Variants in CELSR2 observed in about 807,000 individuals in gnomAD.
CELSR2 encodes cadherin EGF LAG seven-pass G-type receptor 2, also known as EGF-like protein 2.
Under a neutral mutation model 251.6 loss-of-function variants are expected in CELSR2, and 81 were observed. The observed-to-expected ratio is 0.32, with a 90% CI of 0.27 to 0.39. The LOEUF is 0.39. Among genes scored for constraint, CELSR2 ranks in the 10% least tolerant of loss-of-function variants. The pLI, the probability that CELSR2 is intolerant of heterozygous loss-of-function variation, is 1.00. For missense variants in CELSR2, 3,365 were observed against 3,947.7 expected (o/e 0.85, Z 3.96); for synonymous variants, 1,721 against 1,670.5 (o/e 1.03, Z -0.74).
In CELSR2 at chr1:109,258,633, G is replaced by A. The variant is rs753762805; in HGVS notation, c.3512G>A (p.Arg1171Gln). Residue 1171 changes from arginine (R) to glutamine (Q), a missense_variant, in exon 2 of 34, where the codon CGG becomes CAG. This residue lies in a region of CELSR2 where 2,093 missense variants were observed against 2,382.8 expected (regional missense o/e 0.88). Transcript: ENST00000271332. ...CACGTGGTGGTCTTCAACGTACAGCGGGACACCGACGCCCCCGGGGGCCAC... is the reference window on the plus strand; with the variant it reads ...CACGTGGTGGTCTTCAACGTACAGCAGGACACCGACGCCCCCGGGGGCCAC... The part of the protein sequence containing the change: ...PDHVVVFNVQ[R>Q]DTDAPGGHIL... 26 of 1,561,432 alleles carry A rather than the reference G, an allele frequency of 1.7e-5. No individual in the cohort carries two copies. The East Asian group carries it at 3.8e-4, about 23-fold the overall frequency.
chr1:109,264,449 C>T lies in CELSR2; in HGVS notation c.5290-5C>T, dbSNP rs369439624. 154 of 1,611,096 alleles carry T rather than the reference C, an allele frequency of 9.6e-5. No homozygotes were observed. The African/African-American group carries it at 1.9e-3, about 19-fold the overall frequency. On this transcript the variant is annotated splice_polypyrimidine_tract_variant and splice_region_variant and intron_variant, in intron 10 of 33. Transcript: ENST00000271332. Reference sequence around the variant, plus strand: ...TGAGGGCAACACTGCTCCTGTCCCTCCCAGGGTGTGCGGGTGAGCGATACG... The same window carrying T: ...TGAGGGCAACACTGCTCCTGTCCCTTCCAGGGTGTGCGGGTGAGCGATACG...
Position 109,271,033 on chromosome 1 carries a change from C to T in CELSR2, c.7590C>T (p.Ala2530=), listed in dbSNP as rs747791584. ...IWSFAGPVAF[A]VSMSVFLYIL... is the part of the protein sequence containing the mutation. ...GTTTTGCTGGCCCGGTGGCCTTTGC[C>T]GTCTCGGTGAGTGCTAGCAGGTGGG... is the stretch of plus-strand genomic sequence containing the variant. The change falls in exon 25 of 34, where the codon GCC becomes GCT. Residue 2530 remains alanine (A), a synonymous_variant. Coordinates refer to ENST00000271332, the MANE Select transcript of CELSR2 (RefSeq NM_001408.3). The T allele has an allele frequency of 1.4e-5, 23 of 1,612,632 alleles. No individual in the cohort carries two copies. The African/African-American group carries it at 2.3e-4, about 16-fold the overall frequency.
chr1:109,262,981 C>G lies in CELSR2; in HGVS notation c.4708+12C>G. 6.2e-7 allele frequency: 1 copy of G among 1,608,544 alleles called. No individual in the cohort carries two copies. The highest frequency in any genetic ancestry group is 1.7e-4 in the Middle Eastern group (1 of 6,048). On this transcript the variant is annotated intron_variant, in intron 7 of 33. Transcript: ENST00000271332. Reference sequence around the variant, plus strand: ...TGGCACCGTGCCTGGTATGGGGGCCCGGGGTGGAGCCAGGCTGGGATCCCA... The same window carrying G: ...TGGCACCGTGCCTGGTATGGGGGCCGGGGGTGGAGCCAGGCTGGGATCCCA...
chr1:109,266,721 CTTT>C (rs36115271), intron 15 of CELSR2, among the ~76,000 whole-genome samples: 16 of 120,110 alleles, frequency 1.3e-4, no homozygotes, highest in Non-Finnish European at 1.6e-4. Context: ...ACATTTTGGA[CTTT>C]TTTTTTTTTT....
rs1169550961 is a variant in CELSR2, at chr1:109,258,628, A to T, written c.3507A>T (p.Val1169=). 1.5e-5 allele frequency: 24 copies of T among 1,563,398 alleles called. No homozygotes were observed. Among genetic ancestry groups the T allele is most frequent in the Non-Finnish European group, 1.8e-5 (21 of 1,153,926 alleles). The part of the protein sequence containing the change: ...TPPDHVVVFN[V]QRDTDAPGGH... ...CGGACCACGTGGTGGTCTTCAACGT[A>T]CAGCGGGACACCGACGCCCCCGGGG... The change falls in exon 2 of 34, where the codon GTA becomes GTT. Residue 1169 remains valine (V), a synonymous_variant. Coordinates refer to ENST00000271332, the MANE Select transcript of CELSR2 (RefSeq NM_001408.3).
rs1275314197 is a variant in CELSR2, at chr1:109,264,241, G to A, written c.5165G>A (p.Gly1722Glu). The change falls in exon 10 of 34, where the codon GGG becomes GAG. Residue 1722 changes from glycine to glutamate, a missense_variant. Around this residue, in one of 5 missense-constraint regions of CELSR2, gnomAD observed 2,093 missense variants for 2,382.8 expected, o/e 0.88. Coordinates refer to ENST00000271332, the MANE Select transcript of CELSR2 (RefSeq NM_001408.3). ...CATGCCATTCTGTCCTTCGATTATG[G>A]GCAGCAGAGAGCAGAGGGCAACCTG... Reference protein sequence around the residue: ...PGHAILSFDYGQQRAEGNLGP... With the variant: ...PGHAILSFDYEQQRAEGNLGP... 6.2e-7 allele frequency: 1 copy of A among 1,613,842 alleles called. No individual in the cohort carries two copies. The highest frequency in any genetic ancestry group is 1.3e-5 in the African/African-American group (1 of 74,938).
rs968361616 is a variant in CELSR2 at position 109,249,973 on chromosome 1, C to G, written c.-107C>G. On this transcript the variant is annotated 5_prime_UTR_variant, in exon 1 of 34. Transcript: ENST00000271332. ...CCCCGCGGGGCGCACGGGAGGCCCC[C>G]GGGGACTGGCGCCCTGGCCCGGGCA... 2 of 1,088,450 alleles carry G rather than the reference C, an allele frequency of 1.8e-6. No homozygotes were observed. Among genetic ancestry groups the G allele is most frequent in the Admixed American group, 4.6e-5 (1 of 21,608 alleles). 67.4% of individuals were successfully genotyped at this position (1,088,450 alleles called of 1,614,324 possible).
In CELSR2 at chr1:109,263,602, C is replaced by T. The variant is rs1189046464; in HGVS notation, c.4835-9C>T. On this transcript the variant is annotated splice_polypyrimidine_tract_variant and intron_variant, in intron 8 of 33. Transcript: ENST00000271332. ...ACCCGTCACAGTCTGCCTTTTCCTG[C>T]CTCCCCAGAAATGGCCAATCCACAG... 1 of 1,613,020 alleles carries T rather than the reference C, an allele frequency of 6.2e-7. No homozygotes were observed. The highest frequency in any genetic ancestry group is 1.7e-5 in the Admixed American group (1 of 59,934).
rs779411049 is a variant in CELSR2 at position 109,264,255 on chromosome 1, G to T, written c.5179G>T (p.Glu1727Ter). 1 of 1,614,014 alleles carries T rather than the reference G, an allele frequency of 6.2e-7. No individual in the cohort carries two copies. The change falls in exon 10 of 34, where the codon GAG becomes TAG. Residue 1727 changes from glutamate to a stop codon, truncating the protein, a stop_gained. Transcript: ENST00000271332. LOFTEE classifies it high-confidence loss of function. ...LSFDYGQQRA[E>*]GNLGPRLHGL... ...CTTCGATTATGGGCAGCAGAGAGCA[G>T]AGGGCAACCTGGGCCCCCGGCTGCA...
At chr1:109,256,905 G>A (rs946673050) in intron 1 of CELSR2, among the ~76,000 whole-genome samples, 4 of 152,052 alleles carry the variant, frequency 2.6e-5, no homozygotes, top group African/African-American at 4.8e-5. Context: ...TGATCCACCC[G>A]CCTCAGCCTC....
At position 109,264,414 on chromosome 1, in the gene CELSR2, CCCG is replaced by C. The variant is rs780963957; in HGVS notation, c.5290-38_5290-36del. 6 of 1,599,280 alleles carry C rather than the reference CCCG, an allele frequency of 3.8e-6. No homozygotes were observed. In the South Asian group the frequency reaches 5.5e-5, roughly 15 times the overall value. ...CATCCCCTCCCCCACCACCTGCAGC[CCCG>C]CTCCACTGAGGGCAACACTGCTCCT... is the stretch of plus-strand genomic sequence containing the variant. On this transcript the variant is annotated intron_variant, in intron 10 of 33. Coordinates refer to ENST00000271332, the MANE Select transcript of CELSR2 (RefSeq NM_001408.3).
rs1570786456 is a variant in CELSR2, at chr1:109,264,353, G to A, written c.5277G>A (p.Arg1759=). Residue 1759 remains arginine (R), a synonymous_variant, in exon 10 of 34, where the codon CGG becomes CGA. Coordinates refer to ENST00000271332, the MANE Select transcript of CELSR2 (RefSeq NM_001408.3). ...GPAGGVARGF[R]GCLQGVRVSD... ...CCGGCGGTGTGGCCCGTGGCTTTCGGGGCTGTTTGCAGGTGAGTGTCCTGC... is the reference window on the plus strand; with the variant it reads ...CCGGCGGTGTGGCCCGTGGCTTTCGAGGCTGTTTGCAGGTGAGTGTCCTGC... 6.2e-7 allele frequency: 1 copy of A among 1,607,940 alleles called. No individual in the cohort carries two copies.
chr1:109,251,272 A>G lies in CELSR2; in HGVS notation c.1193A>G (p.Gln398Arg), dbSNP rs200447397. Residue 398 changes from glutamine (Q) to arginine (R), a missense_variant, in exon 1 of 34, where the codon CAG (glutamine) becomes CGG (arginine). Physicochemically the swap from Gln to Arg is conservative, Grantham distance 43. Coordinates refer to ENST00000271332, the MANE Select transcript of CELSR2 (RefSeq NM_001408.3). This position sits in a 1 kb window ranked among gnomAD's most constrained non-coding sequence, Gnocchi z 4.9. The part of the protein sequence containing the change: ...SVEDDNDNAP[Q>R]FSEKRYVVQV... ...GAGGATGACAATGATAATGCCCCCC[A>G]GTTTAGTGAGAAGCGCTATGTGGTC... is the stretch of plus-strand genomic sequence containing the variant. The G allele has an allele frequency of 9.9e-4, 1,595 of 1,613,994 alleles. 3 individuals carry two copies. Among genetic ancestry groups the G allele is most frequent in the Non-Finnish European group, 1.3e-3 (1,478 of 1,179,994 alleles).
chr1:109,265,387 T>C (rs1172343619), intron 13 of CELSR2, 76 bp downstream of exon 13: 4 of 1,462,762 alleles, frequency 2.7e-6, no homozygotes, highest in Non-Finnish European at 9.2e-7. Flanking sequence ...GAGGGCAGGC[T>C]GTAGGGATGG....
At position 109,253,205 on chromosome 1, in the gene CELSR2, T is replaced by C. The variant is rs931297252; in HGVS notation, c.3126T>C (p.Pro1042=). ...TCACCAATCGCTCAAGCAGCTTCCC[T>C]GGGGGTGCCATTGGCCGAGTACCTG... ...NYVTNRSSSF[P]GGAIGRVPAH... Residue 1042 remains proline, a synonymous_variant, in exon 1 of 34, where the codon CCT becomes CCC. Coordinates refer to ENST00000271332, the MANE Select transcript of CELSR2 (RefSeq NM_001408.3). 1.9e-6 allele frequency: 3 copies of C among 1,613,558 alleles called. No homozygotes were observed. The highest frequency in any genetic ancestry group is 2.5e-6 in the Non-Finnish European group (3 of 1,180,040).
chr1:109,270,832 C>T lies in CELSR2; in HGVS notation c.7484-95C>T, dbSNP rs1204754708. ...ATGGTGGGCAGAACCCTTTTCCATG[C>T]TTCATGCCTGGCCCTGTGAGCCCAC... On this transcript the variant is annotated intron_variant, in intron 24 of 33. Transcript: ENST00000271332. The T allele has an allele frequency of 3.9e-6, 4 of 1,027,538 alleles. No individual in the cohort carries two copies. In the Admixed American group the frequency reaches 8.1e-5, roughly 21 times the overall value. The allele number at this position is 1,027,538 out of a possible 1,614,324, so 63.7% of individuals were successfully genotyped here. A position where few individuals can be genotyped will look rare whatever the true frequency, so the allele number is the denominator to read the frequency against.
chr1:109,268,012 C>T lies in CELSR2; in HGVS notation c.6270C>T (p.Thr2090=), dbSNP rs1056952737. Residue 2090 remains threonine (T), a synonymous_variant, in exon 17 of 34, where the codon ACC becomes ACT. Coordinates refer to ENST00000271332, the MANE Select transcript of CELSR2 (RefSeq NM_001408.3). ...LATRLLAHES[T]QRGFGLSATQ... is the part of the protein sequence containing the mutation. ...CGCGGCTGCTGGCCCACGAGAGCAC[C>T]CAGCGGGGCTTTGGGCTGTCTGCCA... is the stretch of plus-strand genomic sequence containing the variant. 8.1e-6 allele frequency: 13 copies of T among 1,609,224 alleles called. No individual in the cohort carries two copies. The highest frequency in any genetic ancestry group is 1.1e-5 in the Non-Finnish European group (13 of 1,179,306).
intron 9 of CELSR2, 105 bp from the exon 10 acceptor site, chr1:109,263,973 G>T: frequency 1.4e-6 from 2 of 1,453,014 alleles, no homozygotes; most frequent in Non-Finnish European, 1.8e-6. Context: ...TATGGCCTCA[G>T]CTGGGCAGCG....
chr1:109,259,070 G>A lies in CELSR2; in HGVS notation c.3949G>A (p.Gly1317Ser). The change falls in exon 2 of 34, where the codon GGC becomes AGC. Residue 1317 changes from glycine to serine, a missense_variant. This residue lies in a region of CELSR2 where 2,093 missense variants were observed against 2,382.8 expected (regional missense o/e 0.88). Coordinates refer to ENST00000271332, the MANE Select transcript of CELSR2 (RefSeq NM_001408.3). ...CGGCTACACCTGCCTCTGTCGTGAT[G>A]GCTACACGGGTGAGCCAAGGGAGGG... ...EGGYTCLCRD[G>S]YTGEHCEVSA... is the part of the protein sequence containing the mutation. 6.3e-7 allele frequency: 1 copy of A among 1,579,936 alleles called. No homozygotes were observed. The highest frequency in any genetic ancestry group is 8.6e-7 in the Non-Finnish European group (1 of 1,167,256).
Sources: allele counts gnomAD v4.1 joint callset (sites outside exome capture counted in the v4.1 genomes callset), GRCh38; gene constraint gnomAD v4.1.1; regional missense constraint gnomAD v4.1.1; non-coding constraint Gnocchi (gnomAD v3.1); transcripts MANE v1.5; gene names NCBI Gene and HGNC (gene_info 2026-07-23, HGNC 2026-07-21).